The following SAMTOR variants were observed in gnomAD, a reference collection of about 807,000 sequenced individuals.
The protein encoded by SAMTOR is UPF0532 protein C7orf60.
chr7:112,890,013 T>A, the SAMTOR span, among the ~76,000 whole-genome samples: 2 of 152,104 alleles, frequency 1.3e-5, no homozygotes, highest in African/African-American at 4.8e-5. Flanking sequence ...GTAGTTGTGG[T>A]TGGGTTGAGC....
the SAMTOR span, among the ~76,000 whole-genome samples, chr7:112,853,788 G>T: frequency 6.6e-6 from 1 of 152,014 alleles, no homozygotes; most frequent in African/African-American, 2.4e-5. Context: ...TTCATATGGT[G>T]GGCTTCCATA....
the SAMTOR span, among the ~76,000 whole-genome samples, chr7:112,857,445 T>TAAAAATATAAACAAACCCA: frequency 8.5e-5 from 13 of 152,162 alleles, no homozygotes; most frequent in African/African-American, 3.1e-4. Flanking sequence ...ATGGTTTGAA[T>TAAAAATATAAACAAACCCA]AAAAATATAA....
the SAMTOR span, among the ~76,000 whole-genome samples, chr7:112,906,939 A>G: frequency 1.3e-5 from 2 of 152,316 alleles, no homozygotes; most frequent in South Asian, 2.1e-4. Context: ...TTTATGAAAA[A>G]TTAATGTAAT....
the SAMTOR span, among the ~76,000 whole-genome samples, chr7:112,827,093 C>G: frequency 1.3e-5 from 2 of 152,152 alleles, no homozygotes; most frequent in African/African-American, 4.8e-5. Flanking sequence ...CTGAAATATA[C>G]TTTGTCTAAT....
chr7:112,927,833 C>A, the SAMTOR span, among the ~76,000 whole-genome samples: 1 of 151,990 alleles, frequency 6.6e-6, no homozygotes, highest in Non-Finnish European at 1.5e-5. Context: ...ATTTTTCAAA[C>A]ACCCATTTTA....
the SAMTOR span, among the ~76,000 whole-genome samples, chr7:112,874,934 A>ACCTGC: frequency 6.6e-6 from 1 of 152,172 alleles, no homozygotes; most frequent in Non-Finnish European, 1.5e-5. Context: ...AGGTCACATA[A>ACCTGC]CCTGATAAGC....
chr7:112,887,228 G>C, the SAMTOR span, among the ~76,000 whole-genome samples: 5 of 150,250 alleles, frequency 3.3e-5, no homozygotes, highest in Admixed American at 6.7e-5. Flanking sequence ...TAAAAAGATC[G>C]TATTAAACAG....
the SAMTOR span, among the ~76,000 whole-genome samples, chr7:112,875,056 T>C: frequency 6.6e-6 from 1 of 152,268 alleles, no homozygotes; most frequent in Admixed American, 6.5e-5. Context: ...GATTGAGGTC[T>C]GGTATCACCC....
At chr7:112,895,781 G>T in the SAMTOR span, 1 of 1,334,314 alleles carries the variant, frequency 7.5e-7, no homozygotes, top group South Asian at 2.0e-5. Context: ...TACTGTGTAC[G>T]ACTACAAAAT....
At chr7:112,855,210 G>A in the SAMTOR span, among the ~76,000 whole-genome samples, 174 of 152,264 alleles carry the variant, frequency 1.1e-3, no homozygotes, top group Admixed American at 2.2e-3. Context: ...TGGCAGTTTG[G>A]ATACATCTTA....
the SAMTOR span, among the ~76,000 whole-genome samples, chr7:112,851,597 A>G: frequency 6.6e-6 from 1 of 152,138 alleles, no homozygotes; most frequent in Non-Finnish European, 1.5e-5. Context: ...AATCCAGGGA[A>G]AACTCTTCTG....
chr7:112,835,303 C>T, the SAMTOR span, among the ~76,000 whole-genome samples: 1 of 152,130 alleles, frequency 6.6e-6, no homozygotes, highest in African/African-American at 2.4e-5. Context: ...CTATCACCCA[C>T]CTACCCATCC....
chr7:112,918,644 C>G, the SAMTOR span, among the ~76,000 whole-genome samples: 3 of 152,170 alleles, frequency 2.0e-5, no homozygotes, highest in African/African-American at 7.2e-5. Context: ...TTAAAAGACA[C>G]AGACTGGCAA....
At chr7:112,846,823 A>G in the SAMTOR span, among the ~76,000 whole-genome samples, 1 of 152,230 alleles carries the variant, frequency 6.6e-6, no homozygotes, top group African/African-American at 2.4e-5. Flanking sequence ...GCTTTTTGGA[A>G]TATGAGCATT....
the SAMTOR span, among the ~76,000 whole-genome samples, chr7:112,896,812 A>C: frequency 1.3e-5 from 2 of 152,234 alleles, no homozygotes; most frequent in Non-Finnish European, 2.9e-5. Flanking sequence ...ATCTAAAATC[A>C]GCAATATAAA....
At chr7:112,865,806 ATATT>A in the SAMTOR span, among the ~76,000 whole-genome samples, 1 of 144,564 alleles carries the variant, frequency 6.9e-6, no homozygotes, top group Non-Finnish European at 1.5e-5. Context: ...ACTTATTTAT[ATATT>A]TATTCATATA....
At chr7:112,881,348 C>T in the SAMTOR span, among the ~76,000 whole-genome samples, 1 of 152,182 alleles carries the variant, frequency 6.6e-6, no homozygotes, top group African/African-American at 2.4e-5. Context: ...CCAGGGACAG[C>T]TTGAAGACTC....
the SAMTOR span, among the ~76,000 whole-genome samples, chr7:112,838,851 A>T: frequency 1.8e-3 from 268 of 151,984 alleles, 1 homozygote; most frequent in Middle Eastern, 3.4e-3. Context: ...AGAGCTGAGC[A>T]AATAGCAAAT....
At chr7:112,886,761 G>A in the SAMTOR span, among the ~76,000 whole-genome samples, 1 of 152,144 alleles carries the variant, frequency 6.6e-6, no homozygotes, top group Non-Finnish European at 1.5e-5. Context: ...GATAAACTTG[G>A]TTCCACCATA....
Sources: allele counts gnomAD v4.1 joint callset (sites outside exome capture counted in the v4.1 genomes callset), GRCh38; gene constraint gnomAD v4.1.1; transcripts MANE v1.5; gene names NCBI Gene and HGNC (gene_info 2026-07-23, HGNC 2026-07-21).